Variants in MCTP2 observed in about 807,000 individuals in gnomAD.
The protein encoded by MCTP2 is multiple C2 and transmembrane domain-containing protein 2.
In MCTP2, 132 loss-of-function variants were observed where a neutral mutation model predicts 111.6. That is an observed-to-expected ratio of 1.18 (90% CI 1.03 to 1.37). The LOEUF is 1.37. MCTP2 is among the 40% of genes most tolerant of loss of function. MCTP2 has a pLI of 0.00. For synonymous variants in MCTP2, 395 were observed against 387.7 expected (o/e 1.02, Z -0.22); for missense variants, 1,183 against 1,067.9 (o/e 1.11, Z -1.50).
chr15:94,297,456 T>C (rs1254510901), intron 1 of MCTP2, among the ~76,000 whole-genome samples: 2 of 152,160 alleles, frequency 1.3e-5, no homozygotes, highest in Admixed American at 6.5e-5. Context: ...AGAACAAAAC[T>C]CACATTTTTA....
At chr15:94,374,289 A>G (rs542349375) in intron 12 of MCTP2, among the ~76,000 whole-genome samples, 5 of 152,376 alleles carry the variant, frequency 3.3e-5, no homozygotes, top group Admixed American at 6.5e-5. Context: ...AGTCCAGATT[A>G]TGTTACCTTT....
At chr15:94,338,305 T>G (rs962997946) in intron 4 of MCTP2, among the ~76,000 whole-genome samples, 5 of 152,178 alleles carry the variant, frequency 3.3e-5, no homozygotes, top group Non-Finnish European at 7.4e-5. Context: ...TTAGATTTTC[T>G]TTCTTTGTAG....
chr15:94,452,618 CCA>C (rs1193237034), intron 19 of MCTP2, among the ~76,000 whole-genome samples: 2 of 152,176 alleles, frequency 1.3e-5, no homozygotes, highest in Non-Finnish European at 2.9e-5. Flanking sequence ...GATGGACCCA[CCA>C]CAGTTGTTGG....
chr15:94,401,935 C>T lies in MCTP2; in HGVS notation c.2001C>T (p.Ile667=), dbSNP rs778768306. The stretch of plus-strand genomic sequence containing the variant: ...GAGATGTGGACCGTGTGAAAAGAAT[C>T]ACTATGGCAATATGGAATACAATGC... ...LSRDVDRVKR[I]TMAIWNTMQF... is the part of the protein sequence containing the mutation. The change falls in exon 17 of 23, where the codon ATC becomes ATT. Residue 667 remains isoleucine (I), a synonymous_variant. Coordinates refer to ENST00000357742, the MANE Select transcript of MCTP2 (RefSeq NM_001385001.1). 4.3e-6 allele frequency: 7 copies of T among 1,612,570 alleles called. No homozygotes were observed. The highest frequency in any genetic ancestry group is 3.4e-6 in the Non-Finnish European group (4 of 1,178,924).
intron 2 of MCTP2, among the ~76,000 whole-genome samples, chr15:94,305,417 G>A (rs2075831358): frequency 6.6e-6 from 1 of 152,194 alleles, no homozygotes; most frequent in Non-Finnish European, 1.5e-5. Context: ...TGTGGCTAAA[G>A]AGGAGGTAAG....
chr15:94,427,057 T>C (rs2082928930), intron 17 of MCTP2, among the ~76,000 whole-genome samples: 1 of 152,170 alleles, frequency 6.6e-6, no homozygotes, highest in South Asian at 2.1e-4. Flanking sequence ...ATCCTAAGCA[T>C]GCATGGCTTA....
intron 1 of MCTP2, among the ~76,000 whole-genome samples, chr15:94,255,990 G>A (rs1203774854): frequency 3.9e-5 from 6 of 152,096 alleles, no homozygotes. Context: ...AAAAACTTTT[G>A]TCTTTTCCTC....
At chr15:94,282,327 C>A (rs2074529503) in intron 1 of MCTP2, among the ~76,000 whole-genome samples, 1 of 152,192 alleles carries the variant, frequency 6.6e-6, no homozygotes, top group South Asian at 2.1e-4. Flanking sequence ...TCTCAGCTTT[C>A]TCTCTTCTGT....
At chr15:94,243,469 ATG>A in intron 1 of MCTP2, among the ~76,000 whole-genome samples, 1 of 145,674 alleles carries the variant, frequency 6.9e-6, no homozygotes, top group Admixed American at 6.7e-5. Context: ...GTATGCGTAT[ATG>A]CGTATGTACA....
chr15:94,240,318 A>G (rs534981369), intron 1 of MCTP2, among the ~76,000 whole-genome samples: 101 of 152,220 alleles, frequency 6.6e-4, no homozygotes, highest in African/African-American at 1.9e-3. Context: ...AGGTCACCCA[A>G]CTGGGTTGGA....
At chr15:94,458,359 C>T in intron 20 of MCTP2, 113 bp downstream of exon 20, 1 of 682,342 alleles carries the variant, frequency 1.5e-6, no homozygotes, top group South Asian at 1.7e-5. Context: ...AAAAACACAC[C>T]AAAGCAACAC....
At chr15:94,407,421 C>G (rs2081954689) in intron 17 of MCTP2, among the ~76,000 whole-genome samples, 1 of 152,132 alleles carries the variant, frequency 6.6e-6, no homozygotes, top group Admixed American at 6.5e-5. Context: ...GATGTTTGAT[C>G]TAAAAAGTAA....
At chr15:94,433,148 T>A (rs559184189) in intron 17 of MCTP2, among the ~76,000 whole-genome samples, 39 of 152,306 alleles carry the variant, frequency 2.6e-4, no homozygotes, top group Non-Finnish European at 4.4e-4. Context: ...ACAGCTAGCT[T>A]GGAACCATGG....
intron 17 of MCTP2, among the ~76,000 whole-genome samples, chr15:94,411,745 C>T (rs1596625874): frequency 6.6e-6 from 1 of 151,736 alleles, no homozygotes; most frequent in South Asian, 2.1e-4. Flanking sequence ...CCCCATCTCA[C>T]GTATACAAAA....
intron 17 of MCTP2, among the ~76,000 whole-genome samples, chr15:94,425,549 A>G (rs939065327): frequency 2.6e-5 from 4 of 152,254 alleles, no homozygotes; most frequent in African/African-American, 9.6e-5. Flanking sequence ...GTTGATTAGC[A>G]GGAGTAAAAA....
chr15:94,344,942 A>G (rs1201942554), intron 7 of MCTP2, among the ~76,000 whole-genome samples, 187 bp from the exon 8 acceptor site: 3 of 152,200 alleles, frequency 2.0e-5, no homozygotes, highest in African/African-American at 7.2e-5. Context: ...AACCACATAC[A>G]TGTGACTCTT....
At chr15:94,321,643 C>G (rs1363502401) in intron 4 of MCTP2, among the ~76,000 whole-genome samples, 1 of 152,180 alleles carries the variant, frequency 6.6e-6, no homozygotes, top group Non-Finnish European at 1.5e-5. Context: ...TCTCTGTGCT[C>G]TCTCTATGAT....
intron 18 of MCTP2, among the ~76,000 whole-genome samples, chr15:94,440,923 G>T (rs1037264238): frequency 6.6e-6 from 1 of 152,068 alleles, no homozygotes; most frequent in African/African-American, 2.4e-5. Context: ...TGACTCTCCT[G>T]CTCCTGGCCC....
intron 9 of MCTP2, among the ~76,000 whole-genome samples, chr15:94,358,011 G>T (rs1473050704): frequency 6.6e-6 from 1 of 152,134 alleles, no homozygotes; most frequent in Non-Finnish European, 1.5e-5. Flanking sequence ...TATACAAGTC[G>T]TGGGTTTCTC....
Sources: allele counts gnomAD v4.1 joint callset (sites outside exome capture counted in the v4.1 genomes callset), GRCh38; gene constraint gnomAD v4.1.1; transcripts MANE v1.5; gene names NCBI Gene and HGNC (gene_info 2026-07-23, HGNC 2026-07-21).